Variants in SATB2 observed in about 807,000 individuals in gnomAD.
SATB2 encodes the protein DNA-binding protein SATB2.
Under a neutral mutation model 73.4 loss-of-function variants are expected in SATB2, and 1 was observed. The observed-to-expected ratio is 0.01, with a 90% CI of 0.00 to 0.06. The LOEUF (loss-of-function observed/expected upper bound fraction) is 0.06, where lower values mean the gene tolerates loss of function less well. SATB2 is among the 10% of genes least tolerant of loss of function. SATB2 has a pLI of 1.00. For synonymous variants in SATB2, 397 were observed against 367.0 expected, an observed-to-expected ratio of 1.08 and a Z score of -0.93; for missense variants, 459 against 945.8, an observed-to-expected ratio of 0.49 and a Z score of 6.75.
chr2:199,452,769 C>T (rs1301594670), intron 2 of SATB2, among the ~76,000 whole-genome samples: 2 of 152,110 alleles, frequency 1.3e-5, no homozygotes, highest in East Asian at 3.9e-4. Context: ...GAGATATTAG[C>T]CTTTTTTTTT....
chr2:199,298,493 C>T (rs537259807), intron 10 of SATB2, among the ~76,000 whole-genome samples: 4 of 152,174 alleles, frequency 2.6e-5, no homozygotes, highest in African/African-American at 9.6e-5. Context: ...TCCATTTGGA[C>T]GTTTTACATT....
intron 1 of SATB2, chr2:199,470,709 C>G (rs568629322): frequency 6.6e-6 from 1 of 152,506 alleles, no homozygotes; most frequent in Non-Finnish European, 1.5e-5. Flanking sequence ...TCCCGACTTA[C>G]CCACCACACC....
At chr2:199,345,249 C>G (rs1018135541) in intron 7 of SATB2, among the ~76,000 whole-genome samples, 1 of 152,066 alleles carries the variant, frequency 6.6e-6, no homozygotes, top group African/African-American at 2.4e-5. Flanking sequence ...GATAACTCTT[C>G]TTCCTAGCGC....
intron 10 of SATB2, among the ~76,000 whole-genome samples, chr2:199,296,622 C>T (rs1370922066): frequency 2.0e-5 from 3 of 152,006 alleles, no homozygotes; most frequent in Non-Finnish European, 1.5e-5. Context: ...TCCCCTGAGC[C>T]CAGGAGGTAA....
upstream of SATB2, chr2:199,458,716 CT>C (rs1025668464): frequency 6.9e-6 from 3 of 435,416 alleles, no homozygotes; most frequent in African/African-American, 4.3e-5. Flanking sequence ...GCGCGGAGTA[CT>C]TTCGACTTTG....
At chr2:199,301,001 G>C (rs1240736320) in intron 10 of SATB2, among the ~76,000 whole-genome samples, 2 of 151,920 alleles carry the variant, frequency 1.3e-5, no homozygotes, top group Non-Finnish European at 2.9e-5. Context: ...TGAATGAAAA[G>C]CTAACTTCAG....
rs1374705413 is a variant in SATB2 at position 199,269,795 on chromosome 2, A to G, written c.*2416T>C. On this transcript the variant is annotated 3_prime_UTR_variant, in exon 11 of 11. Coordinates refer to ENST00000417098, the MANE Select transcript of SATB2 (RefSeq NM_001172509.2). Reference sequence around the variant, plus strand: ...ATATTATATGACAGATATTGAATAAATAGACATATATGCATTGTAATTCGC... The same window carrying G: ...ATATTATATGACAGATATTGAATAAGTAGACATATATGCATTGTAATTCGC... 1 of 152,774 alleles carries G rather than the reference A, an allele frequency of 6.5e-6. No homozygotes were observed. The highest frequency in any genetic ancestry group is 6.5e-5 in the Admixed American group (1 of 15,272). The allele number at this position is 152,774 out of a possible 1,614,324, so 9.5% of individuals were successfully genotyped here. A position where few individuals can be genotyped will look rare whatever the true frequency, so the allele number is the denominator to read the frequency against.
At position 199,272,512 on chromosome 2, in the gene SATB2, T is replaced by C. The variant is rs1692189569; in HGVS notation, c.1901A>G (p.His634Arg). The C allele has an allele frequency of 2.5e-6, 4 of 1,614,144 alleles. No homozygotes were observed. Among genetic ancestry groups the C allele is most frequent in the Non-Finnish European group, 3.4e-6 (4 of 1,180,028 alleles). The part of the protein sequence containing the change: ...EALGILQSFI[H>R]DVGLYPDQEA... ...CTGGTCTGGGTACAGGCCTACATCA[T>C]GAATAAAGCTTTGGAGGATCCCCAG... Residue 634 changes from histidine (H) to arginine (R), a missense_variant, in exon 11 of 11, where the codon CAT (histidine) becomes CGT (arginine). By Grantham distance (29) the His-to-Arg change is conservative. Transcript: ENST00000417098. This position sits in a 1 kb window ranked among gnomAD's most constrained non-coding sequence, Gnocchi z 6.7.
upstream of SATB2, among the ~76,000 whole-genome samples, chr2:199,462,081 T>C (rs1413051466): frequency 6.6e-6 from 1 of 152,162 alleles, no homozygotes; most frequent in Admixed American, 6.5e-5. The surrounding 1 kb of genome is among the most constrained non-coding windows in gnomAD (Gnocchi z 5.9). Context: ...GGCTTTCAAG[T>C]TCGGTCACCC....
intron 7 of SATB2, among the ~76,000 whole-genome samples, chr2:199,330,872 T>G (rs1574512887): frequency 6.6e-6 from 1 of 152,180 alleles, no homozygotes; most frequent in Non-Finnish European, 1.5e-5. Context: ...GATGAGTTGG[T>G]CTTTTTCCTC....
At chr2:199,397,861 G>A (rs930439566) in intron 3 of SATB2, 5 of 335,386 alleles carry the variant, frequency 1.5e-5, no homozygotes, top group Non-Finnish European at 3.0e-5. Flanking sequence ...AAGAGAGACT[G>A]TCTCAAAAAC....
chr2:199,309,137 T>C (rs1426429426), intron 9 of SATB2, among the ~76,000 whole-genome samples, 180 bp from the exon 10 acceptor site: 1 of 152,240 alleles, frequency 6.6e-6, no homozygotes, highest in African/African-American at 2.4e-5. Flanking sequence ...TAGGTGGTTA[T>C]ACCAATGCCC....
intron 2 of SATB2, among the ~76,000 whole-genome samples, chr2:199,449,226 TTA>T (rs1390323083): frequency 2.0e-5 from 3 of 152,190 alleles, no homozygotes; most frequent in African/African-American, 7.2e-5. Context: ...TTGTTCCATA[TTA>T]TGTCTTTTTA....
chr2:199,292,755 T>C lies in SATB2; in HGVS notation c.1740+16005A>G, dbSNP rs180946081. Among the ~76,000 whole-genome samples the C allele has an allele frequency of 6.8e-4, 104 of 152,240 alleles. 2 individuals are homozygous for C. Among genetic ancestry groups the C allele is most frequent in the Admixed American group, 6.6e-3 (101 of 15,288 alleles). On this transcript the variant is annotated intron_variant, in intron 10 of 10. Transcript: ENST00000417098. ...TCAGCATCTGGAAAGCAGTTATACA[T>C]TGGGGAGTGGGGGAGAACTTTTAAT...
In SATB2 at chr2:199,271,087, A is replaced by G. The variant is rs191483869; in HGVS notation, c.*1124T>C. ...TTCTAACTTAATATTACACTGAACT[A>G]TTTTCTAGTAAAAAACAAAAAGACA... On this transcript the variant is annotated 3_prime_UTR_variant, in exon 11 of 11. Transcript: ENST00000417098. 2.0e-5 allele frequency: 3 copies of G among 152,720 alleles called. No homozygotes were observed. In the East Asian group the frequency reaches 5.6e-4, roughly 29 times the overall value. The allele number at this position is 152,720 out of a possible 1,614,324, so 9.5% of individuals were successfully genotyped here.
At chr2:199,303,895 C>T (rs1252633196) in intron 10 of SATB2, among the ~76,000 whole-genome samples, 1 of 152,192 alleles carries the variant, frequency 6.6e-6, no homozygotes, top group African/African-American at 2.4e-5. Flanking sequence ...GGAAACCACA[C>T]AGCAGCAAGC....
rs530050214 is a variant in SATB2, at chr2:199,302,585, G to C, written c.1740+6175C>G. Among the ~76,000 whole-genome samples the C allele has an allele frequency of 2.6e-5, 4 of 152,242 alleles. No individual in the cohort carries two copies. In the East Asian group the frequency reaches 7.7e-4, roughly 29 times the overall value. On this transcript the variant is annotated intron_variant, in intron 10 of 10. Transcript: ENST00000417098. Reference sequence around the variant, plus strand: ...AAGTGTTCATTTGCATCTCTCCTCAGGACTAGAGTGGGGATTCAAAACTCT... The same window carrying C: ...AAGTGTTCATTTGCATCTCTCCTCACGACTAGAGTGGGGATTCAAAACTCT...
intron 5 of SATB2, among the ~76,000 whole-genome samples, chr2:199,377,792 T>C (rs1689648516): frequency 6.6e-6 from 1 of 151,918 alleles, no homozygotes; most frequent in Admixed American, 6.5e-5. Context: ...AGATGACAGA[T>C]GATGAAAGAA....
intron 7 of SATB2, among the ~76,000 whole-genome samples, chr2:199,338,190 CCT>C (rs1688392285): frequency 1.3e-5 from 2 of 151,850 alleles, no homozygotes; most frequent in Admixed American, 1.3e-4. Flanking sequence ...ATGAGGAAAC[CCT>C]GTCTCTATTA....
Sources: gnomAD v4.1 joint callset for allele counts (sites outside exome capture counted in the v4.1 genomes callset) on GRCh38, gnomAD v4.1.1 for gene constraint, Gnocchi (gnomAD v3.1) non-coding constraint, MANE v1.5 for transcripts, NCBI Gene and HGNC (gene_info 2026-07-23, HGNC 2026-07-21) for gene names.